The following CNTN3 variants were observed in gnomAD, a reference collection of about 807,000 sequenced individuals.
CNTN3 encodes contactin-3.
In CNTN3, 60 loss-of-function variants were observed where a neutral mutation model predicts 119.1. The ratio of observed to expected loss-of-function variants is 0.50; its 90% CI spans 0.41 to 0.62. The LOEUF is 0.62. Among genes scored for constraint, CNTN3 ranks in the 20% least tolerant of loss-of-function variants. The probability of loss-of-function intolerance (pLI) is 0.00; values close to 1 mark genes in which losing one functional copy is unlikely to be tolerated. For missense variants in CNTN3, 1,101 were observed against 1,242.4 expected (o/e 0.89, Z 1.71); for synonymous variants, 450 against 438.7 (o/e 1.03, Z -0.32).
chr3:74,488,536 T>C (rs1702902179), intron 3 of CNTN3, among the ~76,000 whole-genome samples: 1 of 152,206 alleles, frequency 6.6e-6, no homozygotes, highest in South Asian at 2.1e-4. Context: ...TGCCCTATTG[T>C]ATGTCTGTAT....
intron 13 of CNTN3, among the ~76,000 whole-genome samples, chr3:74,320,800 T>A (rs1702968937): frequency 2.6e-5 from 4 of 152,140 alleles, no homozygotes; most frequent in African/African-American, 9.7e-5. Context: ...ACACTTTTAT[T>A]GTGGACATAT....
At chr3:74,501,685 GC>G in intron 2 of CNTN3, among the ~76,000 whole-genome samples, 1 of 151,636 alleles carries the variant, frequency 6.6e-6, no homozygotes, top group East Asian at 1.9e-4. Flanking sequence ...CACACAATTA[GC>G]CCTTACTAAT....
At chr3:74,516,306 T>A (rs1176451562) in intron 2 of CNTN3, among the ~76,000 whole-genome samples, 5 of 150,732 alleles carry the variant, frequency 3.3e-5, no homozygotes, top group Admixed American at 2.6e-4. Flanking sequence ...TTCTTTTGCC[T>A]CTGCCACCAC....
chr3:74,316,592 C>T (rs1702835271), intron 13 of CNTN3, among the ~76,000 whole-genome samples: 1 of 152,072 alleles, frequency 6.6e-6, no homozygotes, highest in Non-Finnish European at 1.5e-5. Context: ...ACCCAGGTGC[C>T]CATTAATGGG....
chr3:74,454,478 G>C (rs1447691132), intron 4 of CNTN3, among the ~76,000 whole-genome samples: 2 of 151,934 alleles, frequency 1.3e-5, no homozygotes, highest in African/African-American at 2.4e-5. Flanking sequence ...TTGCCAGTCT[G>C]TGTCTTTTAA....
At chr3:74,565,437 C>T (rs1248150119) in intron 1 of CNTN3, among the ~76,000 whole-genome samples, 1 of 152,156 alleles carries the variant, frequency 6.6e-6, no homozygotes, top group Non-Finnish European at 1.5e-5. Flanking sequence ...CCCTTGTGAT[C>T]ACACTGGGCC....
At chr3:74,427,224 T>C (rs55633594) in intron 4 of CNTN3, among the ~76,000 whole-genome samples, 20,431 of 152,168 alleles carry the variant, frequency 0.13, 1,847 homozygotes, top group Non-Finnish European at 0.2. Flanking sequence ...TTAATTGTAA[T>C]GGCACATTGT....
chr3:74,528,126 T>C, intron 1 of CNTN3, among the ~76,000 whole-genome samples: 1 of 151,790 alleles, frequency 6.6e-6, no homozygotes, highest in African/African-American at 2.4e-5. Context: ...AAGTTAAACA[T>C]GAAACAAAAT....
intron 13 of CNTN3, among the ~76,000 whole-genome samples, chr3:74,319,571 G>A (rs1028119408): frequency 4.6e-5 from 7 of 151,952 alleles, no homozygotes; most frequent in Middle Eastern, 3.4e-3. Flanking sequence ...CCCTAGAAGA[G>A]AACCTAGGCA....
intron 13 of CNTN3, among the ~76,000 whole-genome samples, chr3:74,307,562 T>G (rs556572976): frequency 6.6e-6 from 1 of 152,304 alleles, no homozygotes; most frequent in South Asian, 2.1e-4. Flanking sequence ...ATGATGACAC[T>G]AATGGAATTT....
At chr3:74,303,704 C>CA (rs1179914456) in intron 13 of CNTN3, among the ~76,000 whole-genome samples, 4 of 151,998 alleles carry the variant, frequency 2.6e-5, no homozygotes, top group Non-Finnish European at 5.9e-5. Flanking sequence ...TCTCCGCCTC[C>CA]AAAAAATAAA....
At chr3:74,384,180 T>C (rs1704689667) in intron 5 of CNTN3, among the ~76,000 whole-genome samples, 1 of 152,242 alleles carries the variant, frequency 6.6e-6, no homozygotes, top group Non-Finnish European at 1.5e-5. Context: ...ACAACTATAA[T>C]AGAAGTTATA....
intron 3 of CNTN3, among the ~76,000 whole-genome samples, chr3:74,490,800 A>T (rs1233991514): frequency 6.6e-6 from 1 of 152,234 alleles, no homozygotes; most frequent in Non-Finnish European, 1.5e-5. Flanking sequence ...CTGCATTTTT[A>T]AATATGTTCC....
chr3:74,561,812 T>A (rs1704158334), intron 1 of CNTN3, among the ~76,000 whole-genome samples: 1 of 152,302 alleles, frequency 6.6e-6, no homozygotes, highest in Admixed American at 6.5e-5. Flanking sequence ...TCATTAGAAC[T>A]TAATAGGTAC....
At chr3:74,344,868 T>TACAC (rs59061088) in intron 11 of CNTN3, among the ~76,000 whole-genome samples, 4,339 of 148,804 alleles carry the variant, frequency 0.029, 61 homozygotes, top group Non-Finnish European at 0.035. Context: ...TGTATACGTA[T>TACAC]ACACACACAC....
intron 10 of CNTN3, among the ~76,000 whole-genome samples, chr3:74,363,977 CAAG>C (rs1221404776): frequency 6.6e-6 from 1 of 152,030 alleles, no homozygotes; most frequent in Admixed American, 6.6e-5. Flanking sequence ...ACCTAAAGTA[CAAG>C]AAGAAGATCA....
intron 5 of CNTN3, among the ~76,000 whole-genome samples, chr3:74,406,330 A>T (rs1029178983): frequency 6.6e-6 from 1 of 152,128 alleles, no homozygotes; most frequent in African/African-American, 2.4e-5. Flanking sequence ...TAATTTTAAA[A>T]GTACAAATTT....
chr3:74,321,649 C>T (rs1477361133), intron 13 of CNTN3, among the ~76,000 whole-genome samples: 1 of 151,970 alleles, frequency 6.6e-6, no homozygotes, highest in East Asian at 1.9e-4. Flanking sequence ...TCATCTCTAG[C>T]TAGGCTACTT....
At chr3:74,361,502 T>C (rs1208075256) in intron 11 of CNTN3, among the ~76,000 whole-genome samples, 1 of 152,184 alleles carries the variant, frequency 6.6e-6, no homozygotes, top group African/African-American at 2.4e-5. Flanking sequence ...TATTTGAGTA[T>C]AGGATAACAG....
Sources: allele counts gnomAD v4.1 joint callset (sites outside exome capture counted in the v4.1 genomes callset), GRCh38; gene constraint gnomAD v4.1.1; transcripts MANE v1.5; gene names NCBI Gene and HGNC (gene_info 2026-07-23, HGNC 2026-07-21).